PCDHGA3: variants seen among roughly 807,000 people sequenced by gnomAD.
PCDHGA3 encodes protocadherin gamma subfamily A, 3, also known as protocadherin gamma-A3.
In PCDHGA3, 40 loss-of-function variants were observed where a neutral mutation model predicts 58.5. The ratio of observed to expected loss-of-function variants is 0.68; its 90% CI spans 0.53 to 0.89. PCDHGA3 has a LOEUF of 0.89. Among genes scored for constraint, PCDHGA3 ranks in the 40% least tolerant of loss-of-function variants. PCDHGA3 has a pLI of 0.00. For synonymous variants in PCDHGA3, 530 were observed against 525.7 expected, an observed-to-expected ratio of 1.01 and a Z score of -0.11; for missense variants, 1,223 against 1,195.9, an observed-to-expected ratio of 1.02 and a Z score of -0.33.
intron 1 of PCDHGA3, 100 bp from the exon 2 acceptor site, chr5:141,494,707 G>A: frequency 2.5e-6 from 4 of 1,599,238 alleles, no homozygotes; most frequent in Non-Finnish European, 3.4e-6. Context: ...TCTTCTCTGT[G>A]CCCACTCCCC....
chr5:141,428,395 G>A, intron 1 of PCDHGA3: 1 of 488,280 alleles, frequency 2.0e-6, no homozygotes, highest in Non-Finnish European at 3.8e-6. Flanking sequence ...CAGCCCCTCT[G>A]CCTGGGGTTG....
At chr5:141,398,502 C>A in intron 1 of PCDHGA3, 1 of 1,596,962 alleles carries the variant, frequency 6.3e-7, no homozygotes, top group Admixed American at 1.7e-5. Flanking sequence ...AGATCGAGGA[C>A]ATTAATGACC....
intron 1 of PCDHGA3, chr5:141,356,567 C>T (rs1421968549): frequency 6.2e-7 from 1 of 1,614,048 alleles, no homozygotes; most frequent in African/African-American, 1.3e-5. Context: ...CCTCATGCTT[C>T]CTACTCTGCT....
chr5:141,352,723 C>T, intron 1 of PCDHGA3: 3 of 1,531,564 alleles, frequency 2.0e-6, no homozygotes, highest in Non-Finnish European at 1.8e-6. Flanking sequence ...GGCGCGGTGG[C>T]TCAAGCCTGT....
chr5:141,462,122 C>T (rs1437400069), intron 1 of PCDHGA3, among the ~76,000 whole-genome samples: 1 of 152,044 alleles, frequency 6.6e-6, no homozygotes, highest in South Asian at 2.1e-4. Context: ...TGCACCCAGT[C>T]CAATTTTTTG....
chr5:141,461,392 A>G (rs781666201), intron 1 of PCDHGA3, among the ~76,000 whole-genome samples: 18 of 152,178 alleles, frequency 1.2e-4, no homozygotes, highest in Non-Finnish European at 2.2e-4. Context: ...ATGATTAGCG[A>G]TGTTGAGCAT....
intron 1 of PCDHGA3, among the ~76,000 whole-genome samples, chr5:141,407,092 T>C (rs917246877): frequency 1.3e-5 from 2 of 152,360 alleles, no homozygotes; most frequent in Admixed American, 6.5e-5. Context: ...AGAATTGTTT[T>C]ATTTGTTTGT....
intron 1 of PCDHGA3, among the ~76,000 whole-genome samples, chr5:141,381,832 T>C (rs1244036161): frequency 1.7e-4 from 23 of 135,134 alleles, no homozygotes; most frequent in African/African-American, 6.3e-4. Context: ...TCTTCTTTTT[T>C]TTTTTTTTTT....
intron 1 of PCDHGA3, chr5:141,371,309 A>G: frequency 1.2e-6 from 2 of 1,614,012 alleles, no homozygotes; most frequent in Non-Finnish European, 8.5e-7. Flanking sequence ...CCACTATTGG[A>G]GAACTGGACT....
intron 1 of PCDHGA3, among the ~76,000 whole-genome samples, chr5:141,434,384 G>T (rs980455943): frequency 2.6e-5 from 4 of 152,208 alleles, no homozygotes; most frequent in African/African-American, 4.8e-5. Context: ...CCCAAAACTG[G>T]CCATAAACAA....
At chr5:141,427,188 A>G (rs1346514063) in intron 1 of PCDHGA3, 1 of 456,744 alleles carries the variant, frequency 2.2e-6, no homozygotes, top group Admixed American at 2.3e-5. Flanking sequence ...AATTAAATCC[A>G]AAGACTTAAT....
intron 1 of PCDHGA3, chr5:141,357,466 G>T: frequency 6.2e-7 from 1 of 1,614,180 alleles, no homozygotes; most frequent in South Asian, 1.1e-5. Flanking sequence ...CTATTCCCAC[G>T]AGGTCTCCCT....
At chr5:141,356,556 C>T (rs757470408) in intron 1 of PCDHGA3, 1 of 1,614,036 alleles carries the variant, frequency 6.2e-7, no homozygotes, top group African/African-American at 1.3e-5. Flanking sequence ...CACCCACTTT[C>T]CCTCATGCTT....
intron 1 of PCDHGA3, chr5:141,367,864 T>C (rs960069997): frequency 1.1e-4 from 16 of 152,208 alleles, no homozygotes; most frequent in African/African-American, 3.9e-4. Flanking sequence ...TCTTTAAGTG[T>C]AGGTGCAATT....
At chr5:141,366,224 C>T in intron 1 of PCDHGA3, 1 of 1,613,840 alleles carries the variant, frequency 6.2e-7, no homozygotes, top group East Asian at 2.2e-5. Context: ...AGCGCGAGCC[C>T]TGCTGGACAG....
At position 141,388,118 on chromosome 5, in the gene PCDHGA3, C is replaced by A. The variant is rs771996326; in HGVS notation, c.2424+41661C>A. The A allele has an allele frequency of 1.1e-5, 15 of 1,412,700 alleles. No homozygotes were observed. In the Admixed American group the frequency reaches 3.0e-4, roughly 28 times the overall value. The allele number at this position is 1,412,700 out of a possible 1,614,324, so 87.5% of individuals were successfully genotyped here. A position where few individuals can be genotyped will look rare whatever the true frequency, so the allele number is the denominator to read the frequency against. On this transcript the variant is annotated intron_variant, in intron 1 of 3. Coordinates refer to ENST00000253812, the MANE Select transcript of PCDHGA3 (RefSeq NM_018916.4). ...CGGAGAAGCCTTACTTCACCGTGAG[C>A]GCAGAGAGCGGGGAGTTGCTTGTGA...
At chr5:141,368,236 C>G (rs1444187989) in intron 1 of PCDHGA3, among the ~76,000 whole-genome samples, 1 of 152,160 alleles carries the variant, frequency 6.6e-6, no homozygotes, top group Non-Finnish European at 1.5e-5. Context: ...CTACATTACT[C>G]AACCACATGA....
rs1195826961 is a variant in PCDHGA3, at chr5:141,350,170, G to A, written c.2424+3713G>A. The A allele has an allele frequency of 3.2e-6, 4 of 1,240,960 alleles. No individual in the cohort carries two copies. In the African/African-American group the frequency reaches 6.1e-5, roughly 19 times the overall value. The allele number at this position is 1,240,960 out of a possible 1,614,324, so 76.9% of individuals were successfully genotyped here. ...TCACCCTCGAGCGCCTAACTAATAA[G>A]TCCTAAGCTCAAATCACAGAAGTCC... is the stretch of plus-strand genomic sequence containing the variant. On this transcript the variant is annotated intron_variant, in intron 1 of 3. Coordinates refer to ENST00000253812, the MANE Select transcript of PCDHGA3 (RefSeq NM_018916.4).
At chr5:141,501,330 CACA>C (rs1301023208) in intron 2 of PCDHGA3, among the ~76,000 whole-genome samples, 82 of 151,502 alleles carry the variant, frequency 5.4e-4, no homozygotes, top group Admixed American at 2.2e-3. Flanking sequence ...CACACACACA[CACA>C]CCCCAAACTC....
Sources: allele counts gnomAD v4.1 joint callset (sites outside exome capture counted in the v4.1 genomes callset), GRCh38; gene constraint gnomAD v4.1.1; transcripts MANE v1.5; gene names NCBI Gene and HGNC (gene_info 2026-07-23, HGNC 2026-07-21).